SLC35F3: variants seen among roughly 807,000 people sequenced by gnomAD.
SLC35F3 encodes putative thiamine transporter SLC35F3.
SLC35F3 carries 25 observed loss-of-function variants against 49.9 expected under a neutral mutation model. The observed-to-expected ratio is 0.50, with a 90% CI of 0.37 to 0.70. The LOEUF (loss-of-function observed/expected upper bound fraction) is 0.70. Ranked by LOEUF, SLC35F3 falls within the 30% of genes least tolerant of loss-of-function variation. The pLI is 0.00. For synonymous variants in SLC35F3, 275 were observed against 265.4 expected (o/e 1.04, Z -0.35); for missense variants, 525 against 639.8 (o/e 0.82, Z 1.94).
intron 2 of SLC35F3, among the ~76,000 whole-genome samples, chr1:234,033,057 G>A (rs1664086712): frequency 6.6e-6 from 1 of 151,878 alleles, no homozygotes; most frequent in Non-Finnish European, 1.5e-5. Context: ...ATTCTTGCAG[G>A]AGTAAGATGA....
At chr1:233,910,944 C>T (rs1661864514) in intron 2 of SLC35F3, among the ~76,000 whole-genome samples, 1 of 152,124 alleles carries the variant, frequency 6.6e-6, no homozygotes, top group African/African-American at 2.4e-5. Context: ...CTATTGGCAA[C>T]GTGAACCTGG....
intron 2 of SLC35F3, among the ~76,000 whole-genome samples, chr1:234,018,953 T>G (rs1435338250): frequency 2.6e-5 from 4 of 152,204 alleles, no homozygotes; most frequent in Non-Finnish European, 5.9e-5. Flanking sequence ...ATGACTTGCA[T>G]TGATAATTCA....
intron 2 of SLC35F3, among the ~76,000 whole-genome samples, chr1:234,018,430 T>A (rs1192541769): frequency 6.6e-6 from 1 of 152,292 alleles, no homozygotes; most frequent in East Asian, 1.9e-4. Context: ...CCCCGATTTC[T>A]CTTTGCTGAT....
In SLC35F3 at chr1:234,323,202, C is replaced by T. The variant is rs770503554; in HGVS notation, c.1432C>T (p.Gln478Ter). Residue 478 changes from glutamine to a stop codon, truncating the protein, a stop_gained, in exon 8 of 8, where the codon CAG (glutamine) becomes TAG (stop). Coordinates refer to ENST00000366618, the MANE Select transcript of SLC35F3 (RefSeq NM_173508.4). LOFTEE classifies it high-confidence loss of function. This position sits in a 1 kb window ranked among gnomAD's most constrained non-coding sequence, Gnocchi z 4.5. Reference protein sequence around the residue: ...EGAADLSSGPQSKNRRARPSF... With the variant: ...EGAADLSSGP ...CGCTGCCGACCTGAGCTCAGGACCTCAGAGCAAGAACAGAAGAGCCCGCCC... is the reference window on the plus strand; with the variant it reads ...CGCTGCCGACCTGAGCTCAGGACCTTAGAGCAAGAACAGAAGAGCCCGCCC... The T allele has an allele frequency of 1.2e-6, 2 of 1,613,974 alleles. No individual in the cohort carries two copies. Among genetic ancestry groups the T allele is most frequent in the African/African-American group, 1.3e-5 (1 of 74,874 alleles).
chr1:233,980,780 T>C (rs1572007116), intron 2 of SLC35F3, among the ~76,000 whole-genome samples: 1 of 152,250 alleles, frequency 6.6e-6, no homozygotes, highest in African/African-American at 2.4e-5. Context: ...CACATCGTAC[T>C]GTCAATTGTG....
intron 2 of SLC35F3, among the ~76,000 whole-genome samples, chr1:234,083,529 A>G (rs1004639001): frequency 2.0e-5 from 3 of 152,212 alleles, no homozygotes; most frequent in African/African-American, 7.2e-5. Flanking sequence ...TAGGGCTTCA[A>G]TAATGACTGC....
chr1:234,061,157 G>A (rs1664533535), intron 2 of SLC35F3, among the ~76,000 whole-genome samples: 1 of 151,850 alleles, frequency 6.6e-6, no homozygotes, highest in South Asian at 2.1e-4. Context: ...TTGTCTTCTA[G>A]CAACAAATTC....
In SLC35F3 at chr1:234,318,870, C is replaced by T. The variant is rs775138283; in HGVS notation, c.1074C>T (p.Thr358=). 3.5e-5 allele frequency: 57 copies of T among 1,614,010 alleles called. No individual in the cohort carries two copies. In the Middle Eastern group the frequency reaches 1.2e-3, roughly 33 times the overall value. ...ITCIPIILYF[T]KVEYWSSFDD... is the part of the protein sequence containing the mutation. ...GCATTCCTATTATCCTCTACTTTAC[C>T]AAAGTGGAATACTGGAGCTCTTTTG... is the stretch of plus-strand genomic sequence containing the variant. The change falls in exon 6 of 8, where the codon ACC becomes ACT. Residue 358 remains threonine, a synonymous_variant. Transcript: ENST00000366618.
At chr1:234,270,112 CA>C (rs1395357982) in intron 3 of SLC35F3, among the ~76,000 whole-genome samples, 1 of 152,214 alleles carries the variant, frequency 6.6e-6, no homozygotes, top group African/African-American at 2.4e-5. Context: ...TCTTCTAGGA[CA>C]AACTGAGTTA....
At chr1:234,012,841 A>T (rs1663745250) in intron 2 of SLC35F3, among the ~76,000 whole-genome samples, 1 of 152,232 alleles carries the variant, frequency 6.6e-6, no homozygotes, top group South Asian at 2.1e-4. Flanking sequence ...ATACAAAGCA[A>T]ATATTAAAGG....
chr1:234,035,918 A>G (rs1003355075), intron 2 of SLC35F3, among the ~76,000 whole-genome samples: 7 of 152,176 alleles, frequency 4.6e-5, no homozygotes, highest in African/African-American at 7.2e-5. Flanking sequence ...TTCAGCTCCT[A>G]TATTTCAAAT....
chr1:234,057,690 A>C (rs966444760), intron 2 of SLC35F3, among the ~76,000 whole-genome samples: 2 of 151,910 alleles, frequency 1.3e-5, no homozygotes, highest in African/African-American at 4.8e-5. Flanking sequence ...AATGAAACTG[A>C]TGAGAGCAGA....
chr1:234,093,471 C>G (rs1340439102), intron 2 of SLC35F3, among the ~76,000 whole-genome samples: 1 of 152,230 alleles, frequency 6.6e-6, no homozygotes, highest in African/African-American at 2.4e-5. Flanking sequence ...TTTTCCAGCC[C>G]TGCTCTCTGT....
At chr1:233,975,148 T>C (rs1663060943) in intron 2 of SLC35F3, among the ~76,000 whole-genome samples, 1 of 152,266 alleles carries the variant, frequency 6.6e-6, no homozygotes, top group Non-Finnish European at 1.5e-5. Context: ...CCTAGGAACC[T>C]GCATTTTAAC....
chr1:234,111,482 G>C (rs190350398), intron 2 of SLC35F3, among the ~76,000 whole-genome samples: 1 of 152,204 alleles, frequency 6.6e-6, no homozygotes, highest in African/African-American at 2.4e-5. Context: ...AGTAGAGACG[G>C]GGGTCTCACC....
chr1:234,246,108 G>A (rs932068815), intron 3 of SLC35F3, among the ~76,000 whole-genome samples: 5 of 152,132 alleles, frequency 3.3e-5, no homozygotes, highest in African/African-American at 1.2e-4. Flanking sequence ...AAGCAAAGGT[G>A]GTGTTTAGAG....
At chr1:234,287,200 T>C (rs1668436250) in intron 3 of SLC35F3, among the ~76,000 whole-genome samples, 1 of 151,368 alleles carries the variant, frequency 6.6e-6, no homozygotes, top group East Asian at 1.9e-4. Flanking sequence ...CCCTAAAAAA[T>C]AAATAAAAAT....
chr1:234,228,993 G>A (rs900329739), intron 2 of SLC35F3, among the ~76,000 whole-genome samples: 2 of 152,310 alleles, frequency 1.3e-5, no homozygotes, highest in South Asian at 2.1e-4. Flanking sequence ...ATAGTGAAGT[G>A]GGAGGTTTGC....
chr1:233,965,306 G>C (rs1378709195), intron 2 of SLC35F3, among the ~76,000 whole-genome samples: 1 of 152,120 alleles, frequency 6.6e-6, no homozygotes, highest in Non-Finnish European at 1.5e-5. Context: ...TGTTTAAATA[G>C]CTACCCCAGG....
Sources: allele counts gnomAD v4.1 joint callset (sites outside exome capture counted in the v4.1 genomes callset), GRCh38; gene constraint gnomAD v4.1.1; non-coding constraint Gnocchi (gnomAD v3.1); transcripts MANE v1.5; gene names NCBI Gene and HGNC (gene_info 2026-07-23, HGNC 2026-07-21).